The following SPTB variants were observed in gnomAD, a reference collection of about 807,000 sequenced individuals.
The protein encoded by SPTB is spectrin beta, erythrocytic.
In SPTB, 45 loss-of-function variants were observed where a neutral mutation model predicts 256.2. The observed-to-expected ratio is 0.18, with a 90% CI of 0.14 to 0.23. SPTB has a LOEUF of 0.23. SPTB is among the 10% of genes least tolerant of loss of function. The probability of loss-of-function intolerance (pLI) is 1.00; values close to 1 mark genes in which losing one functional copy is unlikely to be tolerated. For missense variants in SPTB, 2,715 were observed against 3,040.4 expected (o/e 0.89, Z 2.52); for synonymous variants, 1,231 against 1,243.1 (o/e 0.99, Z 0.21).
At chr14:64,856,769 T>C (rs1179667409) in intron 1 of SPTB, among the ~76,000 whole-genome samples, 1 of 152,238 alleles carries the variant, frequency 6.6e-6, no homozygotes, top group Admixed American at 6.5e-5. Context: ...CAAGAATTTG[T>C]TTCTTGTTTG....
At position 64,787,142 on chromosome 14, in the gene SPTB, G is replaced by C. The variant is rs1566759504; in HGVS notation, c.2823C>G (p.Thr941=). The C allele has an allele frequency of 1.9e-6, 3 of 1,606,206 alleles. No homozygotes were observed. Among genetic ancestry groups the C allele is most frequent in the Non-Finnish European group, 2.5e-6 (3 of 1,179,972 alleles). ...HLNTRWQAFQ[T]LVSERREAVD... The stretch of plus-strand genomic sequence containing the variant: ...CAGCCTCCCGCCGCTCCGACACCAG[G>C]GTCTGAAATGCCTGCCACCTGCCGG... The change falls in exon 16 of 36, where the codon ACC becomes ACG. Residue 941 remains threonine, a synonymous_variant. Coordinates refer to ENST00000644917, the MANE Select transcript of SPTB (RefSeq NM_001355436.2).
At chr14:64,820,892 G>A (rs1453302233) in intron 2 of SPTB, among the ~76,000 whole-genome samples, 1 of 151,786 alleles carries the variant, frequency 6.6e-6, no homozygotes, top group Non-Finnish European at 1.5e-5. Flanking sequence ...TGGCCAGGCT[G>A]GTCTTGAACT....
At chr14:64,811,248 C>G (rs1261363369) in intron 2 of SPTB, among the ~76,000 whole-genome samples, 1 of 152,070 alleles carries the variant, frequency 6.6e-6, no homozygotes, top group South Asian at 2.1e-4. Context: ...AGGAAAAAGA[C>G]CAGTAATGTG....
chr14:64,777,190 T>A lies in SPTB; in HGVS notation c.4564-1787A>T, dbSNP rs568564680. ...GGTTGAGTGTTCCTGGCAAGAGGAC[T>A]GAACAAGTGCAAAGGCTCTGGGGTG... On this transcript the variant is annotated intron_variant, in intron 22 of 35. Transcript: ENST00000644917. The surrounding 1 kb of genome is among the most constrained non-coding windows in gnomAD (Gnocchi z 4.5). Among the ~76,000 whole-genome samples, 1 of 152,174 alleles carries A rather than the reference T, an allele frequency of 6.6e-6. No individual in the cohort carries two copies. Among genetic ancestry groups the A allele is most frequent in the African/African-American group, 2.4e-5 (1 of 41,496 alleles).
In SPTB at chr14:64,794,759, G is replaced by A. The variant is rs544110391; in HGVS notation, c.1645-142C>T. The stretch of plus-strand genomic sequence containing the variant: ...CAGCCAGAAAAGGGCTGCTGCTGAG[G>A]ATGGAAGAAGCTCCAGAGGGAGAGT... On this transcript the variant is annotated intron_variant, in intron 12 of 35. Coordinates refer to ENST00000644917, the MANE Select transcript of SPTB (RefSeq NM_001355436.2). 3.4e-4 allele frequency: 367 copies of A among 1,078,680 alleles called. 1 individual carries two copies. Among genetic ancestry groups the A allele is most frequent in the Non-Finnish European group, 1.4e-4 (104 of 728,436 alleles). 66.8% of individuals were successfully genotyped at this position (1,078,680 alleles called of 1,614,324 possible). A position where few individuals can be genotyped will look rare whatever the true frequency, so the allele number is the denominator to read the frequency against.
chr14:64,786,841 G>A lies in SPTB; in HGVS notation c.3124C>T (p.Leu1042=). 1 of 1,613,676 alleles carries A rather than the reference G, an allele frequency of 6.2e-7. No individual in the cohort carries two copies. The highest frequency in any genetic ancestry group is 8.5e-7 in the Non-Finnish European group (1 of 1,180,018). Residue 1042 remains leucine, a synonymous_variant, in exon 16 of 36, where the codon CTG becomes TTG. Coordinates refer to ENST00000644917, the MANE Select transcript of SPTB (RefSeq NM_001355436.2). The surrounding 1 kb of genome is among the most constrained non-coding windows in gnomAD (Gnocchi z 5.6). ...AGGGATTGCTGCAGGCCCTGCCACA[G>A]CTCCTCCAAGTGTTTTTGCCGCTGA... ...IGQRQKHLEE[L]WQGLQQSLQG...
rs1259067634 is a variant in SPTB, at chr14:64,823,466, C to T, written c.-51-321G>A. Among the ~76,000 whole-genome samples, 2 of 152,268 alleles carry T rather than the reference C, an allele frequency of 1.3e-5. No individual in the cohort carries two copies. Among genetic ancestry groups the T allele is most frequent in the South Asian group, 2.1e-4 (1 of 4,816 alleles). ...AGCCGCCCCGCCGCGGGGAGCACCCCGGGAGAGAGGAAGCTCTCCTGGGAG... is the reference window on the plus strand; with the variant it reads ...AGCCGCCCCGCCGCGGGGAGCACCCTGGGAGAGAGGAAGCTCTCCTGGGAG... On this transcript the variant is annotated intron_variant, in intron 1 of 35. Coordinates refer to ENST00000644917, the MANE Select transcript of SPTB (RefSeq NM_001355436.2). The surrounding 1 kb of genome is among the most constrained non-coding windows in gnomAD (Gnocchi z 6.5).
chr14:64,782,166 GTGTT>G, intron 20 of SPTB, 120 bp downstream of exon 20: 2 of 1,369,406 alleles, frequency 1.5e-6, no homozygotes, highest in Non-Finnish European at 2.1e-6. Context: ...CCCATGACAT[GTGTT>G]TATCTATGTG....
chr14:64,786,694 C>T lies in SPTB; in HGVS notation c.3271G>A (p.Glu1091Lys), dbSNP rs760294011. Residue 1091 changes from glutamate (E) to lysine (K), a missense_variant, in exon 16 of 36, where the codon GAA (glutamate) becomes AAA (lysine). Glu to Lys is a moderately conservative substitution (Grantham distance 56). This residue lies in a region of SPTB where 2,239 missense variants were observed against 2,384.4 expected (regional missense o/e 0.94). Coordinates refer to ENST00000644917, the MANE Select transcript of SPTB (RefSeq NM_001355436.2). The surrounding 1 kb of genome is among the most constrained non-coding windows in gnomAD (Gnocchi z 5.6). ...AGCTGCTCAGCCTCTGGGAGGGATTCGGGCATGTCCTCAGAGGCCACAGCC... is the reference window on the plus strand; with the variant it reads ...AGCTGCTCAGCCTCTGGGAGGGATTTGGGCATGTCCTCAGAGGCCACAGCC... ...QKAVASEDMP[E>K]SLPEAEQLLQ... 4.3e-6 allele frequency: 7 copies of T among 1,614,122 alleles called. No individual in the cohort carries two copies. The highest frequency in any genetic ancestry group is 3.3e-5 in the Admixed American group (2 of 60,028).
intron 3 of SPTB, 36 bp downstream of exon 3, chr14:64,804,903 T>A: frequency 6.2e-7 from 1 of 1,613,070 alleles, no homozygotes; most frequent in Non-Finnish European, 8.5e-7. Flanking sequence ...GAGGGGCCGA[T>A]GGCAGCAGCC....
intron 1 of SPTB, among the ~76,000 whole-genome samples, chr14:64,868,567 T>C (rs1882333027): frequency 6.6e-6 from 1 of 152,114 alleles, no homozygotes; most frequent in Non-Finnish European, 1.5e-5. Flanking sequence ...TTCAGACCTA[T>C]TGGCAATCCC....
Position 64,816,986 on chromosome 14 carries a change from G to A in SPTB, c.148+5961C>T, listed in dbSNP as rs1408310578. 1.3e-5 allele frequency among the ~76,000 whole-genome samples: 2 copies of A among 152,214 alleles called. No individual in the cohort carries two copies. The highest frequency in any genetic ancestry group is 2.1e-4 in the South Asian group (1 of 4,828). On this transcript the variant is annotated intron_variant, in intron 2 of 35. Coordinates refer to ENST00000644917, the MANE Select transcript of SPTB (RefSeq NM_001355436.2). The surrounding 1 kb of genome is among the most constrained non-coding windows in gnomAD (Gnocchi z 4.2). ...GTTCACTCAGACTGCACTGCCCGGG[G>A]AGAGAACAGAGTCTTATTATTAACC...
At position 64,801,418 on chromosome 14, in the gene SPTB, C is replaced by T. The variant is rs1293755626; in HGVS notation, c.648-18G>A. On this transcript the variant is annotated intron_variant, in intron 6 of 35. Transcript: ENST00000644917. ...GGTCGGGCCTGGGGACAAAACTGGA[C>T]TGTGAAAAGGGAGTAGCCACAGCAT... 19 of 1,591,376 alleles carry T rather than the reference C, an allele frequency of 1.2e-5. No homozygotes were observed. The highest frequency in any genetic ancestry group is 1.6e-5 in the Non-Finnish European group (19 of 1,159,496).
chr14:64,862,812 T>C (rs961550747), intron 1 of SPTB, among the ~76,000 whole-genome samples: 1 of 151,204 alleles, frequency 6.6e-6, no homozygotes, highest in Non-Finnish European at 1.5e-5. Flanking sequence ...GAGGCGGAGG[T>C]TGCAGTGAGA....
chr14:64,806,756 G>T lies in SPTB; in HGVS notation c.149-1666C>A, dbSNP rs1308584898. Among the ~76,000 whole-genome samples the T allele has an allele frequency of 6.6e-6, 1 of 152,162 alleles. No homozygotes were observed. Among genetic ancestry groups the T allele is most frequent in the Admixed American group, 6.5e-5 (1 of 15,286 alleles). ...CAAGACTGATGGTCCCTATCCTTGA[G>T]GCAGACAGACTCTATTATAAATATG... On this transcript the variant is annotated intron_variant, in intron 2 of 35. Transcript: ENST00000644917. The surrounding 1 kb of genome is among the most constrained non-coding windows in gnomAD (Gnocchi z 4.1).
intron 1 of SPTB, among the ~76,000 whole-genome samples, chr14:64,848,208 G>A (rs2083723813): frequency 6.6e-6 from 1 of 152,164 alleles, no homozygotes; most frequent in Non-Finnish European, 1.5e-5. Context: ...TCTGTTTAGA[G>A]GCATACACTT....
Position 64,790,407 on chromosome 14 carries a change from A to G in SPTB, c.2804+1312T>C, listed in dbSNP as rs925782010. ...TCCTCAATTATGCAGCAATTGCAAT[A>G]ATCTCTACCACCTCCTGCCCACCAA... On this transcript the variant is annotated intron_variant, in intron 15 of 35. Transcript: ENST00000644917. This position sits in a 1 kb window ranked among gnomAD's most constrained non-coding sequence, Gnocchi z 4.8. Among the ~76,000 whole-genome samples the G allele has an allele frequency of 2.6e-5, 4 of 152,180 alleles. No homozygotes were observed. The highest frequency in any genetic ancestry group is 9.7e-5 in the African/African-American group (4 of 41,446).
At chr14:64,868,071 T>C (rs1882299639) in intron 1 of SPTB, among the ~76,000 whole-genome samples, 1 of 152,112 alleles carries the variant, frequency 6.6e-6, no homozygotes, top group Non-Finnish European at 1.5e-5. Context: ...CCTGCCCCTT[T>C]ACACTTCATT....
In SPTB at chr14:64,873,519, G is replaced by A. The variant is rs890164067; in HGVS notation, c.-52+6273C>T. On this transcript the variant is annotated intron_variant, in intron 1 of 35. Transcript: ENST00000644917. The surrounding 1 kb of genome is among the most constrained non-coding windows in gnomAD (Gnocchi z 4.3). The stretch of plus-strand genomic sequence containing the variant: ...GCAGATGAACCCTTCATTTATCTAT[G>A]GCATGCTACTGAGAATCCATTAATT... 6.6e-6 allele frequency among the ~76,000 whole-genome samples: 1 copy of A among 152,144 alleles called. No individual in the cohort carries two copies. Among genetic ancestry groups the A allele is most frequent in the Non-Finnish European group, 1.5e-5 (1 of 68,032 alleles).
Sources: allele counts gnomAD v4.1 joint callset (sites outside exome capture counted in the v4.1 genomes callset), GRCh38; gene constraint gnomAD v4.1.1; regional missense constraint gnomAD v4.1.1; non-coding constraint Gnocchi (gnomAD v3.1); transcripts MANE v1.5; gene names NCBI Gene and HGNC (gene_info 2026-07-23, HGNC 2026-07-21).